Variants in TFAP2B observed in about 807,000 individuals in gnomAD.
TFAP2B encodes the protein transcription factor AP-2-beta.
Under a neutral mutation model 44.3 loss-of-function variants are expected in TFAP2B, and 9 were observed. That is an observed-to-expected ratio of 0.20 (90% CI 0.12 to 0.35). The LOEUF (loss-of-function observed/expected upper bound fraction) is 0.35, where lower values mean the gene tolerates loss of function less well. Ranked by LOEUF, TFAP2B falls within the 10% of genes least tolerant of loss-of-function variation. The pLI is 1.00. For missense variants in TFAP2B, 509 were observed against 600.0 expected (o/e 0.85, Z 1.59); for synonymous variants, 270 against 263.8 (o/e 1.02, Z -0.23).
intron 2 of TFAP2B, among the ~76,000 whole-genome samples, chr6:50,825,928 C>G (rs1770491300): frequency 6.6e-6 from 1 of 152,174 alleles, no homozygotes; most frequent in African/African-American, 2.4e-5. Context: ...CAGGGACGGT[C>G]TCTGCCTCCG....
intron 3 of TFAP2B, among the ~76,000 whole-genome samples, chr6:50,832,514 T>G (rs1329900871): frequency 6.6e-6 from 1 of 152,194 alleles, no homozygotes; most frequent in Non-Finnish European, 1.5e-5. Context: ...CTCAGGTACA[T>G]GAGGAAGTGT....
At chr6:50,829,199 C>T (rs1380178911) in intron 3 of TFAP2B, among the ~76,000 whole-genome samples, 2 of 151,916 alleles carry the variant, frequency 1.3e-5, no homozygotes, top group East Asian at 3.9e-4. Context: ...ATATGCGCAT[C>T]CTGAGAAGCT....
chr6:50,840,057 T>G (rs554838432), intron 5 of TFAP2B, 99 bp from the exon 6 acceptor site: 1 of 1,515,318 alleles, frequency 6.6e-7, no homozygotes, highest in African/African-American at 1.4e-5. Flanking sequence ...ACAGCTGGCC[T>G]TCTCTGGAAA....
At chr6:50,833,480 A>G (rs1762556418) in intron 3 of TFAP2B, among the ~76,000 whole-genome samples, 1 of 152,196 alleles carries the variant, frequency 6.6e-6, no homozygotes, top group Non-Finnish European at 1.5e-5. Context: ...AATATAGTCC[A>G]AAGCACATCT....
rs892497942 is a variant in TFAP2B, at chr6:50,827,780, G to A, written c.541-839G>A. ...AGAACTGTTCATGTGTATTCTGACA[G>A]TAAGAAACTTGCTCCAACAGCTATT... is the stretch of plus-strand genomic sequence containing the variant. On this transcript the variant is annotated intron_variant, in intron 2 of 6. Transcript: ENST00000393655. Among the ~76,000 whole-genome samples the A allele has an allele frequency of 2.6e-5, 4 of 152,248 alleles. No individual in the cohort carries two copies. In the South Asian group the frequency reaches 8.3e-4, roughly 32 times the overall value.
chr6:50,823,345 C>T lies in TFAP2B; in HGVS notation c.82-62C>T, dbSNP rs952429725. 11 of 1,393,318 alleles carry T rather than the reference C, an allele frequency of 7.9e-6. No homozygotes were observed. The Admixed American group carries it at 9.8e-5, about 12-fold the overall frequency. The allele number at this position is 1,393,318 out of a possible 1,614,324, so 86.3% of individuals were successfully genotyped here. On this transcript the variant is annotated intron_variant, in intron 1 of 6. Transcript: ENST00000393655. Reference sequence around the variant, plus strand: ...CTCTGTACTCTCTGTCTCTCTCTGCCTCTATCTCTCTTTCTCTGTCTCCTT... The same window carrying T: ...CTCTGTACTCTCTGTCTCTCTCTGCTTCTATCTCTCTTTCTCTGTCTCCTT...
chr6:50,837,828 C>G (rs911860998), intron 4 of TFAP2B, 147 bp from the exon 5 acceptor site: 36 of 742,226 alleles, frequency 4.9e-5, no homozygotes, highest in Non-Finnish European at 8.3e-5. Context: ...AGCAAACTAT[C>G]AGCAAATAAC....
rs1581836920 is a variant in TFAP2B at position 50,845,944 on chromosome 6, T to A, written c.*2552T>A. On this transcript the variant is annotated 3_prime_UTR_variant, in exon 7 of 7. Coordinates refer to ENST00000393655, the MANE Select transcript of TFAP2B (RefSeq NM_003221.4). ...GGGGCGGCGCCCGGTGGGCTGCAGGTGGGGAGGGCTCCCAGCGCCGCCAGC... is the reference window on the plus strand; with the variant it reads ...GGGGCGGCGCCCGGTGGGCTGCAGGAGGGGAGGGCTCCCAGCGCCGCCAGC... 2 of 152,462 alleles carry A rather than the reference T, an allele frequency of 1.3e-5. No homozygotes were observed. The highest frequency in any genetic ancestry group is 3.9e-4 in the East Asian group (2 of 5,156). The allele number at this position is 152,462 out of a possible 1,614,324, so 9.4% of individuals were successfully genotyped here. A position where few individuals can be genotyped will look rare whatever the true frequency, so the allele number is the denominator to read the frequency against.
Position 50,828,913 on chromosome 6 carries a change from T to C in TFAP2B, c.601+234T>C, listed in dbSNP as rs536845587. ...AGATGAGTGAGACAGACTGTTGCAA[T>C]TTTTCTCATGGCATATTTGGTAGCC... On this transcript the variant is annotated intron_variant, in intron 3 of 6. Transcript: ENST00000393655. Among the ~76,000 whole-genome samples, 11 of 152,290 alleles carry C rather than the reference T, an allele frequency of 7.2e-5. No homozygotes were observed. In the East Asian group the frequency reaches 1.7e-3, roughly 24 times the overall value.
chr6:50,840,119 G>C, intron 5 of TFAP2B, 37 bp from the exon 6 acceptor site: 1 of 1,613,012 alleles, frequency 6.2e-7, no homozygotes, highest in South Asian at 1.1e-5. Context: ...TTTAGGGCCT[G>C]GGTGCTGATT....
At position 50,836,196 on chromosome 6, in the gene TFAP2B, A is replaced by G. The variant is rs768709246; in HGVS notation, c.737A>G (p.Tyr246Cys). 5 of 1,613,898 alleles carry G rather than the reference A, an allele frequency of 3.1e-6. No individual in the cohort carries two copies. Among genetic ancestry groups the G allele is most frequent in the Non-Finnish European group, 3.4e-6 (4 of 1,180,022 alleles). ...TCTCTGCTCAGTTCAACTTCGAAGT[A>G]CAAAGTAACTGTGGGAGAAGTTCAG... ...RLSLLSSTSKYKVTVGEVQRR... is the reference protein window; with the variant it reads ...RLSLLSSTSKCKVTVGEVQRR... The change falls in exon 4 of 7, where the codon TAC (tyrosine) becomes TGC (cysteine). Residue 246 changes from tyrosine to cysteine, a missense_variant. This residue lies in a region of TFAP2B where 45 missense variants were observed against 108.6 expected (regional missense o/e 0.41). Coordinates refer to ENST00000393655, the MANE Select transcript of TFAP2B (RefSeq NM_003221.4).
intron 2 of TFAP2B, among the ~76,000 whole-genome samples, chr6:50,827,879 G>T (rs1770570902): frequency 6.6e-6 from 1 of 152,214 alleles, no homozygotes; most frequent in Admixed American, 6.5e-5. Flanking sequence ...CACAGAAGAT[G>T]AACATTCCTT....
At chr6:50,828,909 G>A (rs1770598528) in intron 3 of TFAP2B, among the ~76,000 whole-genome samples, 1 of 152,142 alleles carries the variant, frequency 6.6e-6, no homozygotes, top group African/African-American at 2.4e-5. Context: ...ACAGACTGTT[G>A]CAATTTTTCT....
Position 50,818,920 on chromosome 6 carries a change from C to T in TFAP2B, c.29C>T (p.Ala10Val). Reference sequence around the variant, plus strand: ...CACTCACCTCCTAGAGACCAGGCTGCCATCATGCTCTGGAAGCTTGTGGAG... The same window carrying T: ...CACTCACCTCCTAGAGACCAGGCTGTCATCATGCTCTGGAAGCTTGTGGAG... Reference protein sequence around the residue: MHSPPRDQAAIMLWKLVENV... With the variant: MHSPPRDQAVIMLWKLVENV... Residue 10 changes from alanine to valine, a missense_variant, in exon 1 of 7, where the codon GCC (alanine) becomes GTC (valine). This residue lies in a region of TFAP2B where 296 missense variants were observed against 308.2 expected (regional missense o/e 0.96). Transcript: ENST00000393655. 6.2e-7 allele frequency: 1 copy of T among 1,614,066 alleles called. No individual in the cohort carries two copies. The highest frequency in any genetic ancestry group is 8.5e-7 in the Non-Finnish European group (1 of 1,180,002).
chr6:50,831,403 G>T (rs11756722), intron 3 of TFAP2B, among the ~76,000 whole-genome samples: 1 of 152,122 alleles, frequency 6.6e-6, no homozygotes, highest in East Asian at 1.9e-4. Flanking sequence ...TCTCCTCTTA[G>T]CTGCCCCATT....
Position 50,823,749 on chromosome 6 carries a change from C to T in TFAP2B, c.424C>T (p.His142Tyr). Residue 142 changes from histidine (H) to tyrosine (Y), a missense_variant, in exon 2 of 7, where the codon CAC becomes TAC. By Grantham distance (83) the His-to-Tyr change is moderately conservative (BLOSUM62 2). Coordinates refer to ENST00000393655, the MANE Select transcript of TFAP2B (RefSeq NM_003221.4). ...GGGCCTTGACCCCCGGAGGGACTAC[C>T]ACTCGGTCCGCCGGCCGGACGTGCT... The part of the protein sequence containing the change: ...LSGLDPRRDY[H>Y]SVRRPDVLLH... 6.2e-7 allele frequency: 1 copy of T among 1,608,244 alleles called. No homozygotes were observed. The highest frequency in any genetic ancestry group is 8.5e-7 in the Non-Finnish European group (1 of 1,177,304).
At position 50,823,805 on chromosome 6, in the gene TFAP2B, G is replaced by A. The variant is rs754242584; in HGVS notation, c.480G>A (p.Ala160=). 2 of 1,577,488 alleles carry A rather than the reference G, an allele frequency of 1.3e-6. No homozygotes were observed. The highest frequency in any genetic ancestry group is 1.1e-5 in the South Asian group (1 of 87,086). The stretch of plus-strand genomic sequence containing the variant: ...ATTCGGCGCACCACGGCCTGGACGC[G>A]GGCATGGGTGACAGCCTCTCGCTGC... The part of the protein sequence containing the change: ...LLHSAHHGLD[A]GMGDSLSLHG... Residue 160 remains alanine (A), a synonymous_variant, in exon 2 of 7, where the codon GCG becomes GCA. Coordinates refer to ENST00000393655, the MANE Select transcript of TFAP2B (RefSeq NM_003221.4).
In TFAP2B at chr6:50,838,057, G is replaced by A; in HGVS notation, c.904G>A (p.Ala302Thr). The change falls in exon 5 of 7, where the codon GCA becomes ACA. Residue 302 changes from alanine to threonine, a missense_variant. Physicochemically the swap from Ala to Thr is moderately conservative, Grantham distance 58. Coordinates refer to ENST00000393655, the MANE Select transcript of TFAP2B (RefSeq NM_003221.4). ...GLNLPAGRRKAANVTLLTSLV... is the reference protein window; with the variant it reads ...GLNLPAGRRKTANVTLLTSLV... ...GAATTTACCCGCGGGCAGGCGCAAA[G>A]CAGCAAATGTCACGTTACTCACCTC... The A allele has an allele frequency of 6.2e-7, 1 of 1,614,196 alleles. No homozygotes were observed. Among genetic ancestry groups the A allele is most frequent in the Non-Finnish European group, 8.5e-7 (1 of 1,180,028 alleles).
At chr6:50,841,605 T>A (rs556329730) in intron 6 of TFAP2B, among the ~76,000 whole-genome samples, 5 of 152,316 alleles carry the variant, frequency 3.3e-5, no homozygotes, top group African/African-American at 1.2e-4. Flanking sequence ...GGCCAGCACT[T>A]CTGAACCTAG....
Sources: allele counts gnomAD v4.1 joint callset (sites outside exome capture counted in the v4.1 genomes callset), GRCh38; gene constraint gnomAD v4.1.1; regional missense constraint gnomAD v4.1.1; transcripts MANE v1.5; gene names NCBI Gene and HGNC (gene_info 2026-07-23, HGNC 2026-07-21).